Variants in CHN2 observed in about 807,000 individuals in gnomAD.
CHN2 encodes beta-chimaerin.
In CHN2, 35 loss-of-function variants were observed where a neutral mutation model predicts 56.3. That is an observed-to-expected ratio of 0.62 (90% confidence interval 0.47 to 0.82). CHN2 has a LOEUF of 0.82. Ranked by LOEUF, CHN2 falls within the 40% of genes least tolerant of loss-of-function variation. CHN2 has a pLI of 0.00. For synonymous variants in CHN2, 210 were observed against 212.8 expected (o/e 0.99, Z 0.12); for missense variants, 491 against 580.5 (o/e 0.85, Z 1.58).
intron 1 of CHN2, among the ~76,000 whole-genome samples, chr7:29,236,118 G>A (rs978437228): frequency 2.6e-5 from 4 of 152,212 alleles, no homozygotes; most frequent in African/African-American, 9.6e-5. Flanking sequence ...TTACTTTCTA[G>A]CAAATAGGTT....
At chr7:29,289,274 T>G (rs1792391711) in intron 1 of CHN2, 1 of 152,164 alleles carries the variant, frequency 6.6e-6, no homozygotes, top group Non-Finnish European at 1.5e-5. Context: ...GCTCGGCCAC[T>G]TGTTGAGGCT....
In CHN2 at chr7:29,514,012, A is replaced by AACTC. The variant is rs1258128067; in HGVS notation, c.*1280_*1283dup. 1 of 152,628 alleles carries AACTC rather than the reference A, an allele frequency of 6.6e-6. No homozygotes were observed. The allele number at this position is 152,628 out of a possible 1,614,324, so 9.5% of individuals were successfully genotyped here. A position where few individuals can be genotyped will look rare whatever the true frequency, so the allele number is the denominator to read the frequency against. ...TCCTTTGATTGAGATGATTTGTGTA[A>AACTC]ACTCACCAGTCTTGCTTTGGAGTGA... On this transcript the variant is annotated 3_prime_UTR_variant, in exon 13 of 13. Transcript: ENST00000222792.
chr7:29,432,982 A>G (rs1782958216), intron 6 of CHN2, among the ~76,000 whole-genome samples: 1 of 152,206 alleles, frequency 6.6e-6, no homozygotes, highest in South Asian at 2.1e-4. Context: ...GTATAAAAAG[A>G]CATTCCAGAA....
At chr7:29,246,360 T>A (rs904343774) in intron 1 of CHN2, among the ~76,000 whole-genome samples, 1 of 152,154 alleles carries the variant, frequency 6.6e-6, no homozygotes, top group Non-Finnish European at 1.5e-5. Context: ...CAGAGGGACT[T>A]ATTTGCTGGT....
At chr7:29,198,001 T>C in intron 1 of CHN2, 1 of 456,320 alleles carries the variant, frequency 2.2e-6, no homozygotes, top group Non-Finnish European at 4.4e-6. Context: ...CATGGCATTA[T>C]TTTGACTTTC....
At chr7:29,476,961 G>A (rs1384076444) in intron 6 of CHN2, among the ~76,000 whole-genome samples, 2 of 152,184 alleles carry the variant, frequency 1.3e-5, no homozygotes, top group African/African-American at 4.8e-5. Flanking sequence ...ATTAGAAGAA[G>A]ACGGTCAGCA....
intron 1 of CHN2, among the ~76,000 whole-genome samples, chr7:29,261,241 G>C (rs1789527979): frequency 6.6e-6 from 1 of 152,216 alleles, no homozygotes; most frequent in South Asian, 2.1e-4. Context: ...TAACTTGCTT[G>C]AGGCCATGCA....
rs144982639 is a variant in CHN2, at chr7:29,312,776, C to G, written c.50-41849C>G. 2.5e-3 allele frequency among the ~76,000 whole-genome samples: 377 copies of G among 152,184 alleles called. 5 individuals are homozygous for G. Among genetic ancestry groups the G allele is most frequent in the African/African-American group, 8.2e-3 (342 of 41,526 alleles). ...TGTATTAAGAAACTCAGACTATTCCCAAATAATGGCATTATTTTTAAAACA... is the reference window on the plus strand; with the variant it reads ...TGTATTAAGAAACTCAGACTATTCCGAAATAATGGCATTATTTTTAAAACA... On this transcript the variant is annotated intron_variant, in intron 1 of 12. Transcript: ENST00000222792.
At chr7:29,340,597 C>T (rs1335804658) in intron 1 of CHN2, among the ~76,000 whole-genome samples, 1 of 152,198 alleles carries the variant, frequency 6.6e-6, no homozygotes, top group Non-Finnish European at 1.5e-5. Flanking sequence ...ACCAGGAAGG[C>T]AACTGTGTAC....
Position 29,279,987 on chromosome 7 carries a change from T to G in CHN2, c.50-74638T>G, listed in dbSNP as rs182523409. Among the ~76,000 whole-genome samples, 5 of 152,164 alleles carry G rather than the reference T, an allele frequency of 3.3e-5. No individual in the cohort carries two copies. The East Asian group carries it at 9.7e-4, about 29-fold the overall frequency. On this transcript the variant is annotated intron_variant, in intron 1 of 12. Transcript: ENST00000222792. ...ATCAAGAGGCCCCTAGGTGAGAAAG[T>G]GGAAGCTAGAATGGATGACAACTGG... is the stretch of plus-strand genomic sequence containing the variant.
At chr7:29,196,810 G>T (rs1783769699) in intron 1 of CHN2, among the ~76,000 whole-genome samples, 1 of 152,204 alleles carries the variant, frequency 6.6e-6, no homozygotes, top group Non-Finnish European at 1.5e-5. Flanking sequence ...TTAGATGATG[G>T]TAATTGCTTT....
At chr7:29,336,152 T>C (rs1168725438) in intron 1 of CHN2, 6 of 152,352 alleles carry the variant, frequency 3.9e-5, no homozygotes, top group African/African-American at 9.6e-5. Flanking sequence ...AGAATCTCCC[T>C]TGTGGCCCTC....
At chr7:29,357,236 T>A (rs1798381946) in intron 2 of CHN2, among the ~76,000 whole-genome samples, 1 of 152,222 alleles carries the variant, frequency 6.6e-6, no homozygotes, top group African/African-American at 2.4e-5. Flanking sequence ...TTGCAAAAGT[T>A]CCTCTTTATT....
rs531596593 is a variant in CHN2, at chr7:29,473,128, TTTTGCC to T, written c.577-7142_577-7137del. ...AGCCCCTGCAGGGCATGGTATGGATTTTTGCCTTTGCCTTAAATCGTCTTTGGAGGT... is the reference window on the plus strand; with the variant it reads ...AGCCCCTGCAGGGCATGGTATGGATTTTTGCCTTAAATCGTCTTTGGAGGT... On this transcript the variant is annotated intron_variant, in intron 6 of 12. Coordinates refer to ENST00000222792, the MANE Select transcript of CHN2 (RefSeq NM_004067.4). Among the ~76,000 whole-genome samples the T allele has an allele frequency of 4.6e-3, 696 of 152,330 alleles. 5 individuals carry two copies. Among genetic ancestry groups the T allele is most frequent in the African/African-American group, 0.016 (670 of 41,564 alleles).
At chr7:29,200,942 C>T in intron 1 of CHN2, among the ~76,000 whole-genome samples, 1 of 152,062 alleles carries the variant, frequency 6.6e-6, no homozygotes, top group East Asian at 1.9e-4. Context: ...TCTGGGAGGG[C>T]CAGCCACTAG....
At chr7:29,301,249 T>C (rs1339287542) in intron 1 of CHN2, among the ~76,000 whole-genome samples, 5 of 152,114 alleles carry the variant, frequency 3.3e-5, no homozygotes, top group Non-Finnish European at 7.4e-5. Flanking sequence ...AATTATTTTA[T>C]GTTTTTCTAG....
At chr7:29,436,379 A>G (rs545013994) in intron 6 of CHN2, among the ~76,000 whole-genome samples, 53 of 152,270 alleles carry the variant, frequency 3.5e-4, no homozygotes, top group African/African-American at 1.3e-3. Context: ...ATTTTGTTTG[A>G]ATATTGACTA....
intron 2 of CHN2, among the ~76,000 whole-genome samples, chr7:29,183,727 A>G (rs1341008433): frequency 6.6e-6 from 1 of 152,188 alleles, no homozygotes; most frequent in Non-Finnish European, 1.5e-5. Context: ...AAAGAGAACC[A>G]ATAAGAGAGA....
intron 1 of CHN2, among the ~76,000 whole-genome samples, chr7:29,217,193 A>C (rs185533014): frequency 6.6e-6 from 1 of 152,250 alleles, no homozygotes; most frequent in Admixed American, 6.5e-5. Flanking sequence ...TGGTTTGTGC[A>C]TATAATTATT....
Sources: allele counts gnomAD v4.1 joint callset (sites outside exome capture counted in the v4.1 genomes callset), GRCh38; gene constraint gnomAD v4.1.1; transcripts MANE v1.5; gene names NCBI Gene and HGNC (gene_info 2026-07-23, HGNC 2026-07-21).